Variants in ATP2B2 observed in about 807,000 individuals in gnomAD.
ATP2B2 encodes the protein ATPase plasma membrane Ca2+ transporting 2.
Under a neutral mutation model 120.0 loss-of-function variants are expected in ATP2B2, and 15 were observed. That is an observed-to-expected ratio of 0.12 (90% CI 0.08 to 0.19). The LOEUF is 0.19. Ranked by LOEUF, ATP2B2 falls within the 10% of genes least tolerant of loss-of-function variation. ATP2B2 has a pLI of 1.00. For synonymous variants in ATP2B2, 694 were observed against 700.3 expected (o/e 0.99, Z 0.14); for missense variants, 1,045 against 1,719.8 (o/e 0.61, Z 6.94).
At chr3:10,563,275 T>C (rs2067942293) in intron 2 of ATP2B2, among the ~76,000 whole-genome samples, 1 of 152,150 alleles carries the variant, frequency 6.6e-6, no homozygotes, top group South Asian at 2.1e-4. Context: ...AAGTGACTTT[T>C]GCATGGTCAC....
chr3:10,427,015 G>A (rs1462732690), intron 2 of ATP2B2, among the ~76,000 whole-genome samples: 1 of 152,184 alleles, frequency 6.6e-6, no homozygotes, highest in African/African-American at 2.4e-5. Context: ...CAAGACTGCA[G>A]GGCCTGCATT....
At position 10,449,513 on chromosome 3, in the gene ATP2B2, A is replaced by G. The variant is rs955039798; in HGVS notation, c.31T>C (p.Ser11Pro). 1.2e-6 allele frequency: 2 copies of G among 1,614,046 alleles called. No individual in the cohort carries two copies. Among genetic ancestry groups the G allele is most frequent in the East Asian group, 4.5e-5 (2 of 44,860 alleles). ...CTCGACTCATTTCTTTGGTTTTTGG[A>G]GTAAAAGTCGCTGTTGGTCATGTCA... MGDMTNSDFY[S>P]KNQRNESSHG... is the part of the protein sequence containing the mutation. Residue 11 changes from serine to proline, a missense_variant, in exon 2 of 23, where the codon TCC (serine) becomes CCC (proline). Ser to Pro is a moderately conservative substitution (Grantham distance 74). Around this residue, in one of 11 missense-constraint regions of ATP2B2, gnomAD observed 139 missense variants for 134.2 expected, o/e 1.04. Transcript: ENST00000360273.
At chr3:10,633,788 T>C (rs190113959) in intron 1 of ATP2B2, among the ~76,000 whole-genome samples, 22 of 152,346 alleles carry the variant, frequency 1.4e-4, no homozygotes, top group Admixed American at 1.3e-3. Context: ...GTTTCCATTC[T>C]ATAGTTGAGG....
intron 1 of ATP2B2, among the ~76,000 whole-genome samples, chr3:10,644,354 T>C (rs774917963): frequency 2.0e-5 from 3 of 152,216 alleles, no homozygotes; most frequent in Non-Finnish European, 4.4e-5. Flanking sequence ...AGTTTGGCAG[T>C]TCCTTAAAAA....
Position 10,558,764 on chromosome 3 carries a change from G to A in ATP2B2, c.-414-24631C>T, listed in dbSNP as rs117300774. Among the ~76,000 whole-genome samples, 653 of 142,532 alleles carry A rather than the reference G, an allele frequency of 4.6e-3. 6 individuals carry two copies. Among genetic ancestry groups the A allele is most frequent in the East Asian group, 0.033 (159 of 4,794 alleles). 93.5% of individuals were successfully genotyped at this position (142,532 alleles called of 152,430 possible). ...TAGCCTTTTTGGAACAAGAAAGAAA[G>A]AACGGAACTCAGAAGCAAAATATGG... is the stretch of plus-strand genomic sequence containing the variant. On this transcript the variant is annotated intron_variant, in intron 2 of 21. Transcript: ENST00000646379.
At chr3:10,674,066 C>G (rs1168441407) in intron 1 of ATP2B2, among the ~76,000 whole-genome samples, 1 of 151,990 alleles carries the variant, frequency 6.6e-6, no homozygotes, top group Non-Finnish European at 1.5e-5. Flanking sequence ...CTGTCCTTCC[C>G]TTGTGAAACT....
rs34633808 is a variant in ATP2B2, at chr3:10,331,712, A to ATTTTTTTTTTTTT, written c.3421-2600_3421-2588dup. Among the ~76,000 whole-genome samples the ATTTTTTTTTTTTT allele has an allele frequency of 6.5e-3, 928 of 143,176 alleles. 11 individuals are homozygous for ATTTTTTTTTTTTT. The highest frequency in any genetic ancestry group is 0.024 in the African/African-American group (897 of 38,082). The allele number at this position is 143,176 out of a possible 152,430, so 93.9% of individuals were successfully genotyped here. A position where few individuals can be genotyped will look rare whatever the true frequency, so the allele number is the denominator to read the frequency against. On this transcript the variant is annotated intron_variant, in intron 22 of 22. Coordinates refer to ENST00000360273, the MANE Select transcript of ATP2B2 (RefSeq NM_001001331.4). ...CTCCCTGCCTACCCTAAAGGTAGGA[A>ATTTTTTTTTTTTT]TTTTTTTTTTTTTGGCATAAGCTGC...
chr3:10,599,624 G>T (rs141000675), intron 2 of ATP2B2, among the ~76,000 whole-genome samples: 1 of 152,104 alleles, frequency 6.6e-6, no homozygotes, highest in East Asian at 1.9e-4. Context: ...CTCCAGCAAC[G>T]TGGAGTTCAC....
rs34073958 is a variant in ATP2B2, at chr3:10,686,043, C to CTTTTTTTTTTTTTTTT, written c.-460+21856_-460+21871dup. Among the ~76,000 whole-genome samples the CTTTTTTTTTTTTTTTT allele has an allele frequency of 5.4e-5, 5 of 93,224 alleles. 1 individual carries two copies. The highest frequency in any genetic ancestry group is 2.1e-4 in the African/African-American group (5 of 24,142). The allele number at this position is 93,224 out of a possible 152,430, so 61.2% of individuals were successfully genotyped here. On this transcript the variant is annotated intron_variant, in intron 1 of 21. Coordinates refer to the ATP2B2 transcript ENST00000646379. ...GTTCCCTGTCTTTCTTTCCTCCTTT[C>CTTTTTTTTTTTTTTTT]TTTTTTTTTTTTTTTTTTTTTTTGA...
intron 2 of ATP2B2, among the ~76,000 whole-genome samples, chr3:10,435,347 G>A (rs532372768): frequency 6.6e-6 from 1 of 152,224 alleles, no homozygotes; most frequent in Non-Finnish European, 1.5e-5. Flanking sequence ...TCTCATTGAG[G>A]GGGTGGTATG....
chr3:10,662,905 T>C (rs889789117), intron 1 of ATP2B2, among the ~76,000 whole-genome samples: 2 of 152,038 alleles, frequency 1.3e-5, no homozygotes, highest in Non-Finnish European at 1.5e-5. Context: ...TGGAATACCA[T>C]GTAGCCATAA....
At chr3:10,675,410 T>C (rs2071216105) in intron 1 of ATP2B2, among the ~76,000 whole-genome samples, 1 of 152,246 alleles carries the variant, frequency 6.6e-6, no homozygotes, top group Non-Finnish European at 1.5e-5. Context: ...CACGTAGCTA[T>C]GTATATCTGT....
intron 2 of ATP2B2, among the ~76,000 whole-genome samples, chr3:10,426,883 G>T (rs2063162688): frequency 6.6e-6 from 1 of 151,302 alleles, no homozygotes; most frequent in South Asian, 2.1e-4. Context: ...GGGGGTGGGG[G>T]GAAGATGGTG....
chr3:10,523,642 C>A (rs995105050), intron 3 of ATP2B2, among the ~76,000 whole-genome samples: 2 of 152,158 alleles, frequency 1.3e-5, no homozygotes, highest in African/African-American at 4.8e-5. Flanking sequence ...TAACCTAAAT[C>A]ATATTTCAAA....
intron 2 of ATP2B2, among the ~76,000 whole-genome samples, chr3:10,443,191 G>T (rs1174149259): frequency 6.6e-6 from 1 of 152,138 alleles, no homozygotes; most frequent in Non-Finnish European, 1.5e-5. Flanking sequence ...CCTCAATTCT[G>T]TTTTCTCCCA....
At chr3:10,600,949 G>A (rs559743536) in intron 2 of ATP2B2, among the ~76,000 whole-genome samples, 7 of 152,108 alleles carry the variant, frequency 4.6e-5, no homozygotes, top group East Asian at 1.9e-4. Flanking sequence ...GAAAGAGGTC[G>A]GGTGTATGGT....
At chr3:10,607,872 T>C (rs1159031172) in intron 2 of ATP2B2, among the ~76,000 whole-genome samples, 1 of 151,996 alleles carries the variant, frequency 6.6e-6, no homozygotes, top group African/African-American at 2.4e-5. Context: ...AGGGCAGGGG[T>C]CTAGGGGGGT....
At chr3:10,596,721 G>A (rs934390754) in intron 2 of ATP2B2, among the ~76,000 whole-genome samples, 1 of 152,248 alleles carries the variant, frequency 6.6e-6, no homozygotes, top group Non-Finnish European at 1.5e-5. Context: ...GTTTCCTGAA[G>A]AGGGGCTCAA....
intron 1 of ATP2B2, among the ~76,000 whole-genome samples, chr3:10,694,611 A>ACTCTGACCAGC (rs2071714935): frequency 6.6e-6 from 1 of 151,516 alleles, no homozygotes; most frequent in Non-Finnish European, 1.5e-5. Flanking sequence ...TGGCATGAAA[A>ACTCTGACCAGC]CTCTGACCAG....
Sources: allele counts gnomAD v4.1 joint callset (sites outside exome capture counted in the v4.1 genomes callset), GRCh38; gene constraint gnomAD v4.1.1; regional missense constraint gnomAD v4.1.1; transcripts MANE v1.5; gene names NCBI Gene and HGNC (gene_info 2026-07-23, HGNC 2026-07-21).